Variants in MS4A18 observed in about 807,000 individuals in gnomAD.
MS4A18 encodes membrane spanning 4-domains A18.
Under a neutral mutation model 13.1 loss-of-function variants are expected in MS4A18, and 27 were observed. The observed-to-expected ratio is 2.06, with a 90% CI of 1.52 to 2.84. MS4A18 has a LOEUF of 2.84. Among genes scored for constraint, MS4A18 ranks in the 30% most tolerant of loss-of-function variants. The probability of loss-of-function intolerance (pLI) is 0.00; values close to 1 mark genes in which losing one functional copy is unlikely to be tolerated. For missense variants in MS4A18, 307 were observed against 196.4 expected (o/e 1.56, Z -3.37); for synonymous variants, 126 against 76.5 (o/e 1.65, Z -3.38).
chr11:60,738,238 C>T (rs760469697), intron 3 of MS4A18, among the ~76,000 whole-genome samples: 26 of 152,114 alleles, frequency 1.7e-4, no homozygotes, highest in Non-Finnish European at 3.2e-4. Flanking sequence ...ATGAATAATT[C>T]GAGGACTTCA....
At chr11:60,737,103 A>T (rs533270787) in intron 3 of MS4A18, 69 bp downstream of exon 4, 1 of 700,466 alleles carries the variant, frequency 1.4e-6, no homozygotes, top group African/African-American at 1.8e-5. Context: ...ACATGAAAAA[A>T]GGAGACTCAC....
At chr11:60,743,921 C>T in exon 6 of MS4A18, 2 of 703,066 alleles carry the variant, frequency 2.8e-6, no homozygotes, top group South Asian at 3.0e-5. Context: ...ACTGCCCCTG[C>T]CAAAGCTACC....
exon 1 of MS4A18, chr11:60,729,766 G>A (rs1407349266): frequency 1.4e-6 from 1 of 700,818 alleles, no homozygotes; most frequent in Admixed American, 2.0e-5. Context: ...ATTCATAAAT[G>A]AGGAGGTCAG....
chr11:60,725,370 T>A (rs912574028), upstream of MS4A18, among the ~76,000 whole-genome samples: 9 of 152,052 alleles, frequency 5.9e-5, no homozygotes, highest in African/African-American at 2.2e-4. Flanking sequence ...ATTTTTTGTA[T>A]TTTTTAGTAG....
upstream of MS4A18, among the ~76,000 whole-genome samples, chr11:60,727,827 G>A (rs1271605990): frequency 6.6e-6 from 1 of 152,118 alleles, no homozygotes; most frequent in African/African-American, 2.4e-5. Context: ...AGGGCTACAT[G>A]CCTACCTCCT....
chr11:60,742,578 G>T (rs1350976741), intron 5 of MS4A18, among the ~76,000 whole-genome samples: 1 of 152,118 alleles, frequency 6.6e-6, no homozygotes, highest in Admixed American at 6.5e-5. Context: ...TAGCTGAAAG[G>T]GTCTAATAAG....
chr11:60,740,404 C>G (rs762978222), intron 4 of MS4A18, among the ~76,000 whole-genome samples: 1 of 152,130 alleles, frequency 6.6e-6, no homozygotes, highest in Non-Finnish European at 1.5e-5. Context: ...GACAGAATCC[C>G]TTGAAGCTCT....
intron 5 of MS4A18, 93 bp from the exon 7 acceptor site, chr11:60,743,557 A>C (rs1853438739): frequency 1.5e-6 from 1 of 655,388 alleles, no homozygotes; most frequent in Non-Finnish European, 2.8e-6. Context: ...GGGTCTACCT[A>C]AGGGTATGGA....
At chr11:60,734,631 T>C (rs535609794) in intron 2 of MS4A18, among the ~76,000 whole-genome samples, 99 of 152,206 alleles carry the variant, frequency 6.5e-4, no homozygotes, top group Non-Finnish European at 1.3e-3. Flanking sequence ...TTCATAAAGA[T>C]AGAAAAAGCA....
upstream of MS4A18, chr11:60,729,173 A>C (rs2134673111): frequency 3.3e-6 from 2 of 601,894 alleles, no homozygotes; most frequent in East Asian, 5.5e-5. Flanking sequence ...AAAGGCAAGA[A>C]GTTTATTTTG....
At chr11:60,728,572 TGA>T (rs575436338), upstream of MS4A18, among the ~76,000 whole-genome samples, 410 of 151,878 alleles carry the variant, frequency 2.7e-3, 2 homozygotes, top group Middle Eastern at 0.021. Flanking sequence ...TCTGTGTGTG[TGA>T]GTGTGTGTCT....
intron 5 of MS4A18, among the ~76,000 whole-genome samples, chr11:60,742,683 A>G (rs906247843): frequency 2.0e-5 from 3 of 152,124 alleles, no homozygotes; most frequent in Non-Finnish European, 4.4e-5. Flanking sequence ...TTTGAATGTT[A>G]TTTATCCATT....
intron 3 of MS4A18, among the ~76,000 whole-genome samples, chr11:60,737,595 G>A (rs1317840885): frequency 6.6e-6 from 1 of 152,168 alleles, no homozygotes; most frequent in Non-Finnish European, 1.5e-5. Context: ...CACCTTTGGG[G>A]CATTTATTCT....
intron 4 of MS4A18, among the ~76,000 whole-genome samples, chr11:60,740,258 C>T (rs1399319333): frequency 6.6e-6 from 1 of 152,216 alleles, no homozygotes; most frequent in Admixed American, 6.5e-5. Flanking sequence ...GGGATCCCCA[C>T]CCTCTGCTCC....
chr11:60,724,824 C>A (rs906503506), upstream of MS4A18, among the ~76,000 whole-genome samples: 2 of 152,204 alleles, frequency 1.3e-5, no homozygotes, highest in African/African-American at 4.8e-5. Flanking sequence ...TTCCGCAAGA[C>A]TCTGACAGAG....
downstream of MS4A18, among the ~76,000 whole-genome samples, chr11:60,744,400 C>A (rs917946705): frequency 6.6e-6 from 1 of 152,054 alleles, no homozygotes; most frequent in Admixed American, 6.5e-5. Flanking sequence ...GGAGGGGGAG[C>A]AATGTGGAGT....
Position 60,736,845 on chromosome 11 carries a change from A to T in MS4A18, c.592-133A>T. On this transcript the variant is annotated intron_variant, in intron 2 of 5. Transcript: ENST00000529108. ...TAGTAAAAATGTTGGGAGGAAATAAACAGATTTGCACATTTTGTGAAACAA... is the reference window on the plus strand; with the variant it reads ...TAGTAAAAATGTTGGGAGGAAATAATCAGATTTGCACATTTTGTGAAACAA... The T allele has an allele frequency of 6.4e-6, 4 of 621,156 alleles. No homozygotes were observed. In the South Asian group the frequency reaches 7.8e-5, roughly 12 times the overall value. The allele number at this position is 621,156 out of a possible 1,614,324, so 38.5% of individuals were successfully genotyped here.
chr11:60,743,504 G>A (rs972695298), intron 5 of MS4A18, 146 bp from the exon 7 acceptor site: 6 of 619,038 alleles, frequency 9.7e-6, no homozygotes, highest in South Asian at 1.9e-5. Context: ...TTGCCCCCTT[G>A]GCCAAAGAAA....
chr11:60,729,477 A>AC lies in MS4A18; in HGVS notation c.162_163insC (p.Gly55ArgfsTer67). 1.4e-6 allele frequency: 1 copy of AC among 702,866 alleles called. No homozygotes were observed. The highest frequency in any genetic ancestry group is 2.0e-5 in the Admixed American group (1 of 50,016). The allele number at this position is 702,866 out of a possible 1,614,324, so 43.5% of individuals were successfully genotyped here. ...CACCAAAAGTAATCCACTGTGATAC[A>AC]GGAAGAGCAAACTTACAGAATCTAC... On this transcript the variant is annotated frameshift_variant, in exon 1 of 6. Coordinates refer to ENST00000529108, the Ensembl canonical transcript of MS4A18. LOFTEE classifies it high-confidence loss of function.
Sources: allele counts gnomAD v4.1 joint callset (sites outside exome capture counted in the v4.1 genomes callset), GRCh38; gene constraint gnomAD v4.1.1; transcripts MANE v1.5; gene names NCBI Gene and HGNC (gene_info 2026-07-23, HGNC 2026-07-21).